Variants in PDS5B observed in about 807,000 individuals in gnomAD.
The protein encoded by PDS5B is sister chromatid cohesion protein PDS5 homolog B.
In PDS5B, 51 loss-of-function variants were observed where a neutral mutation model predicts 184.1. The observed-to-expected ratio is 0.28, with a 90% confidence interval of 0.22 to 0.35. PDS5B has a LOEUF of 0.35. PDS5B is among the 10% of genes least tolerant of loss of function. PDS5B has a pLI of 1.00. For synonymous variants in PDS5B, 566 were observed against 569.2 expected (o/e 0.99, Z 0.08); for missense variants, 1,180 against 1,723.3 (o/e 0.68, Z 5.58).
intron 10 of PDS5B, 103 bp from the exon 11 acceptor site, chr13:32,683,775 G>A (rs1261231750): frequency 5.9e-6 from 4 of 682,610 alleles, no homozygotes; most frequent in African/African-American, 5.8e-5. Flanking sequence ...AAACTTCTAT[G>A]TAGGTATTGT....
chr13:32,596,677 T>C (rs1489990817), intron 1 of PDS5B, among the ~76,000 whole-genome samples: 1 of 152,128 alleles, frequency 6.6e-6, no homozygotes, highest in African/African-American at 2.4e-5. Flanking sequence ...TTTTTAATTT[T>C]AGCTATTCTA....
intron 33 of PDS5B, among the ~76,000 whole-genome samples, chr13:32,771,301 A>G (rs951834353): frequency 6.6e-6 from 1 of 152,148 alleles, no homozygotes; most frequent in Non-Finnish European, 1.5e-5. Context: ...ATCTACATCA[A>G]CATGTATATA....
intron 1 of PDS5B, among the ~76,000 whole-genome samples, chr13:32,644,115 A>G (rs1211110282): frequency 6.6e-6 from 1 of 151,980 alleles, no homozygotes; most frequent in African/African-American, 2.4e-5. Flanking sequence ...TTTGTTTCTG[A>G]TCTTAAAGGG....
In PDS5B at chr13:32,745,980, A is replaced by G; in HGVS notation, c.2616A>G (p.Lys872=). 6.2e-7 allele frequency: 1 copy of G among 1,610,786 alleles called. No homozygotes were observed. Among genetic ancestry groups the G allele is most frequent in the Non-Finnish European group, 8.5e-7 (1 of 1,177,184 alleles). The part of the protein sequence containing the change: ...GDLTEQGKIS[K]PDMSRLRLAA... Reference sequence around the variant, plus strand: ...ATTCATTCTACTCATTTTTCAGTAAACCAGATATGTCACGTCTGAGACTTG... The same window carrying G: ...ATTCATTCTACTCATTTTTCAGTAAGCCAGATATGTCACGTCTGAGACTTG... The change falls in exon 24 of 35, where the codon AAA becomes AAG. Residue 872 remains lysine (K), a synonymous_variant. Transcript: ENST00000315596.
At chr13:32,620,385 C>T (rs1045426391) in intron 1 of PDS5B, among the ~76,000 whole-genome samples, 4 of 151,900 alleles carry the variant, frequency 2.6e-5, no homozygotes, top group South Asian at 2.1e-4. Context: ...AGTGATAGCA[C>T]GGTGGCTCAC....
At chr13:32,710,489 G>A (rs1465186831) in intron 19 of PDS5B, among the ~76,000 whole-genome samples, 4 of 152,180 alleles carry the variant, frequency 2.6e-5, no homozygotes, top group Admixed American at 1.3e-4. Flanking sequence ...GTCGGAAGCA[G>A]TGCTTTAATT....
At chr13:32,590,926 T>C (rs2057764223) in intron 1 of PDS5B, among the ~76,000 whole-genome samples, 2 of 151,530 alleles carry the variant, frequency 1.3e-5, no homozygotes, top group Admixed American at 6.6e-5. Context: ...ACCTAAAGAA[T>C]TGTGTATTTT....
chr13:32,658,423 CTTA>C lies in PDS5B; in HGVS notation c.400-8_400-6del. 1 of 1,524,206 alleles carries C rather than the reference CTTA, an allele frequency of 6.6e-7. No homozygotes were observed. The highest frequency in any genetic ancestry group is 2.3e-5 in the East Asian group (1 of 43,550). 94.4% of individuals were successfully genotyped at this position (1,524,206 alleles called of 1,614,324 possible). A position where few individuals can be genotyped will look rare whatever the true frequency, so the allele number is the denominator to read the frequency against. On this transcript the variant is annotated splice_region_variant and splice_polypyrimidine_tract_variant and intron_variant, in intron 4 of 34. Coordinates refer to ENST00000315596, the MANE Select transcript of PDS5B (RefSeq NM_015032.4). ...ATGCTTAACTTTCACTTTTTTACAC[CTTA>C]TTTTTAGAACATTGCTTGGGTCAAG...
At chr13:32,658,160 G>T in intron 3 of PDS5B, 79 bp from the exon 4 acceptor site, 2 of 733,352 alleles carry the variant, frequency 2.7e-6, no homozygotes, top group South Asian at 1.7e-5. Context: ...CATGAGTGCT[G>T]AATAAACTCT....
chr13:32,727,460 C>CT (rs925857775), intron 19 of PDS5B, among the ~76,000 whole-genome samples: 1 of 151,942 alleles, frequency 6.6e-6, no homozygotes, highest in African/African-American at 2.4e-5. Context: ...TGGAAGAACT[C>CT]TTTTTAATAT....
chr13:32,726,921 G>GTTTA (rs1212675100), intron 19 of PDS5B, among the ~76,000 whole-genome samples: 4 of 152,030 alleles, frequency 2.6e-5, no homozygotes, highest in African/African-American at 7.2e-5. Flanking sequence ...TAAAGAAAAA[G>GTTTA]TTTATTTATT....
At chr13:32,655,022 A>G (rs1207451930) in intron 3 of PDS5B, among the ~76,000 whole-genome samples, 3 of 152,012 alleles carry the variant, frequency 2.0e-5, no homozygotes, top group South Asian at 2.1e-4. Context: ...AGAATGATTT[A>G]TATTCCTTTG....
In PDS5B at chr13:32,758,130, A is replaced by C; in HGVS notation, c.3100A>C (p.Asn1034His). 6.5e-7 allele frequency: 1 copy of C among 1,538,402 alleles called. No homozygotes were observed. The highest frequency in any genetic ancestry group is 8.9e-7 in the Non-Finnish European group (1 of 1,129,850). ...GGAAATATTAATGGCTAAAAATGAAAATAACAGTCACGCTTTTATCAGAAA... is the reference window on the plus strand; with the variant it reads ...GGAAATATTAATGGCTAAAAATGAACATAACAGTCACGCTTTTATCAGAAA... ...VLEILMAKNE[N>H]NSHAFIRKMV... The change falls in exon 27 of 35, where the codon AAT (asparagine) becomes CAT (histidine). Residue 1034 changes from asparagine to histidine, a missense_variant. By Grantham distance (68) the Asn-to-His change is moderately conservative (BLOSUM62 1). Around this residue, in one of 11 missense-constraint regions of PDS5B, gnomAD observed 465 missense variants for 497.8 expected, o/e 0.93. Transcript: ENST00000315596.
chr13:32,732,087 T>C lies in PDS5B; in HGVS notation c.2124-14T>C. 1.3e-6 allele frequency: 2 copies of C among 1,527,848 alleles called. No homozygotes were observed. Among genetic ancestry groups the C allele is most frequent in the Non-Finnish European group, 1.8e-6 (2 of 1,122,790 alleles). The allele number at this position is 1,527,848 out of a possible 1,614,324, so 94.6% of individuals were successfully genotyped here. A position where few individuals can be genotyped will look rare whatever the true frequency, so the allele number is the denominator to read the frequency against. On this transcript the variant is annotated splice_polypyrimidine_tract_variant and intron_variant, in intron 19 of 34. Coordinates refer to ENST00000315596, the MANE Select transcript of PDS5B (RefSeq NM_015032.4). ...TTTCTGGTTTATTGTTTTTCTTTGA[T>C]TTTTTTTTAATAGAGCCTTGCTTCC...
intron 1 of PDS5B, among the ~76,000 whole-genome samples, chr13:32,600,946 T>G (rs1488466449): frequency 6.6e-6 from 1 of 152,208 alleles, no homozygotes; most frequent in African/African-American, 2.4e-5. Flanking sequence ...GGAGTTTATA[T>G]TTTTATATTT....
At chr13:32,644,001 G>T (rs1365289663) in intron 1 of PDS5B, among the ~76,000 whole-genome samples, 2 of 152,050 alleles carry the variant, frequency 1.3e-5, no homozygotes, top group African/African-American at 4.8e-5. Context: ...TGTAGGGACA[G>T]TTTCTTTTCC....
At chr13:32,648,970 A>G in intron 2 of PDS5B, 90 bp downstream of exon 2, 1 of 735,188 alleles carries the variant, frequency 1.4e-6, no homozygotes, top group Non-Finnish European at 2.5e-6. Context: ...TTGTTGGGGT[A>G]ACTTAAAAAA....
chr13:32,594,186 A>G (rs530891997), intron 1 of PDS5B, among the ~76,000 whole-genome samples: 4 of 152,294 alleles, frequency 2.6e-5, no homozygotes, highest in South Asian at 2.1e-4. Context: ...TTATTTCTTT[A>G]GTGTTTGGGA....
At chr13:32,727,820 C>A (rs1294509339) in intron 19 of PDS5B, among the ~76,000 whole-genome samples, 11 of 151,064 alleles carry the variant, frequency 7.3e-5, no homozygotes, top group Admixed American at 4.6e-4. Flanking sequence ...TTATTTTAAT[C>A]AGATTTGGAA....
Sources: allele counts gnomAD v4.1 joint callset (sites outside exome capture counted in the v4.1 genomes callset), GRCh38; gene constraint gnomAD v4.1.1; regional missense constraint gnomAD v4.1.1; transcripts MANE v1.5; gene names NCBI Gene and HGNC (gene_info 2026-07-23, HGNC 2026-07-21).